Variants in IGFL2 observed in about 807,000 individuals in gnomAD.
The protein encoded by IGFL2 is IGF like family member 2.
A neutral mutation model predicts 13.9 loss-of-function variants in IGFL2; 7 were observed. The observed-to-expected ratio is 0.51, with a 90% CI of 0.29 to 0.95. The LOEUF (loss-of-function observed/expected upper bound fraction) is 0.95. IGFL2 is among the 40% of genes least tolerant of loss of function. The probability of loss-of-function intolerance (pLI) is 0.08; values close to 1 mark genes in which losing one functional copy is unlikely to be tolerated. For missense variants in IGFL2, 138 were observed against 147.8 expected (o/e 0.93, Z 0.34); for synonymous variants, 55 against 55.8 (o/e 0.99, Z 0.07).
At chr19:46,120,306 G>T in the IGFL2 span, 3 of 1,610,500 alleles carry the variant, frequency 1.9e-6, no homozygotes, top group South Asian at 3.3e-5. Flanking sequence ...CTTGTCTGCC[G>T]TCTGCCAGTG....
At chr19:46,152,079 T>G (rs549165975) in intron 1 of IGFL2, among the ~76,000 whole-genome samples, 5 of 152,336 alleles carry the variant, frequency 3.3e-5, no homozygotes, top group African/African-American at 9.6e-5. Flanking sequence ...GCACAAATCT[T>G]GCACCTCTTC....
chr19:46,099,533 C>CT, the IGFL2 span, among the ~76,000 whole-genome samples: 1,307 of 142,422 alleles, frequency 9.2e-3, 3 homozygotes, highest in Admixed American at 0.011. Context: ...TTCTTTCTTT[C>CT]TTTTTTTTTT....
chr19:46,141,597 A>G (rs79871495), upstream of IGFL2, among the ~76,000 whole-genome samples: 12 of 152,210 alleles, frequency 7.9e-5, no homozygotes, highest in South Asian at 8.3e-4. Context: ...ATCCAGCTGA[A>G]CAGCCACTCC....
the IGFL2 span, among the ~76,000 whole-genome samples, chr19:46,103,529 G>C: frequency 2.0e-5 from 3 of 152,150 alleles, no homozygotes; most frequent in African/African-American, 7.2e-5. Flanking sequence ...CACTCCAAGA[G>C]GGAGTCAAGA....
the IGFL2 span, among the ~76,000 whole-genome samples, chr19:46,126,207 GAAAT>G: frequency 6.6e-6 from 1 of 152,278 alleles, no homozygotes; most frequent in South Asian, 2.1e-4. Context: ...AAATATATGG[GAAAT>G]AAATCTGTTA....
the IGFL2 span, among the ~76,000 whole-genome samples, chr19:46,194,846 ATATATATTTTTTTTTTTTTTT>A: frequency 8.6e-5 from 3 of 34,922 alleles, no homozygotes; most frequent in African/African-American, 2.7e-4. Flanking sequence ...ATATATATAT[ATATATATTTTTTTTTTTTTTT>A]TTTTTTTTTT....
At chr19:46,088,898 C>G in the IGFL2 span, among the ~76,000 whole-genome samples, 1 of 152,084 alleles carries the variant, frequency 6.6e-6, no homozygotes, top group African/African-American at 2.4e-5. Context: ...AAATAATCAG[C>G]AAAGCTATAA....
At chr19:46,191,606 G>A in the IGFL2 span, among the ~76,000 whole-genome samples, 2 of 152,090 alleles carry the variant, frequency 1.3e-5, no homozygotes, top group Non-Finnish European at 2.9e-5. Flanking sequence ...GGAACAGGGA[G>A]GGCAAGAGAC....
chr19:46,146,266 G>A (rs1330683786), upstream of IGFL2, among the ~76,000 whole-genome samples: 3 of 151,330 alleles, frequency 2.0e-5, no homozygotes, highest in Non-Finnish European at 4.4e-5. Flanking sequence ...TACTATATTT[G>A]TTTGGGTTTA....
At chr19:46,119,415 C>T in the IGFL2 span, among the ~76,000 whole-genome samples, 1 of 152,150 alleles carries the variant, frequency 6.6e-6, no homozygotes, top group African/African-American at 2.4e-5. Context: ...GATCATCGTT[C>T]CCACTGCAAG....
At chr19:46,124,232 C>T in the IGFL2 span, 1 of 1,608,960 alleles carries the variant, frequency 6.2e-7, no homozygotes, top group South Asian at 1.1e-5. Context: ...CCAACACCAC[C>T]TCTTCCCTCC....
At chr19:46,207,384 C>G in the IGFL2 span, 1 of 150,278 alleles carries the variant, frequency 6.7e-6, no homozygotes, top group Non-Finnish European at 1.5e-5. Context: ...TTCCCTAATT[C>G]ACATTTTTTT....
chr19:46,184,531 TTC>T, the IGFL2 span, among the ~76,000 whole-genome samples: 1 of 152,196 alleles, frequency 6.6e-6, no homozygotes, highest in Non-Finnish European at 1.5e-5. Context: ...TAGTTTTCTG[TTC>T]TTCTGTTAGT....
the IGFL2 span, among the ~76,000 whole-genome samples, chr19:46,112,554 A>G: frequency 6.6e-6 from 1 of 152,264 alleles, no homozygotes; most frequent in Non-Finnish European, 1.5e-5. Flanking sequence ...AAACCAGTAC[A>G]GTCAGGACCA....
chr19:46,145,318 T>C (rs1435147091), upstream of IGFL2, among the ~76,000 whole-genome samples: 3 of 152,180 alleles, frequency 2.0e-5, no homozygotes, highest in Non-Finnish European at 2.9e-5. Flanking sequence ...CTCTCTTTCA[T>C]ATATGTTTGT....
chr19:46,172,624 G>A, the IGFL2 span, among the ~76,000 whole-genome samples: 127 of 152,256 alleles, frequency 8.3e-4, 2 homozygotes, highest in Middle Eastern at 0.017. Flanking sequence ...ACTTGAAAGA[G>A]GAAATTTTTA....
the IGFL2 span, among the ~76,000 whole-genome samples, chr19:46,134,079 G>A: frequency 1.0e-3 from 152 of 152,262 alleles, no homozygotes; most frequent in Middle Eastern, 0.02. Context: ...CGGTATGCAG[G>A]TCAGCAGTAT....
chr19:46,113,184 T>C, the IGFL2 span: 1 of 170,776 alleles, frequency 5.9e-6, no homozygotes, highest in Non-Finnish European at 1.2e-5. Flanking sequence ...AGAATGATTC[T>C]ACAGAGGCAA....
chr19:46,105,210 T>G, the IGFL2 span, among the ~76,000 whole-genome samples: 1 of 152,194 alleles, frequency 6.6e-6, no homozygotes, highest in Non-Finnish European at 1.5e-5. Context: ...TCAGCCCATA[T>G]AACAGCATGA....
Sources: gnomAD v4.1 joint callset for allele counts (sites outside exome capture counted in the v4.1 genomes callset) on GRCh38, gnomAD v4.1.1 for gene constraint, MANE v1.5 for transcripts, NCBI Gene and HGNC (gene_info 2026-07-23, HGNC 2026-07-21) for gene names.